The following MEIS1 variants were observed in gnomAD, a reference collection of about 807,000 sequenced individuals.
MEIS1 encodes the protein homeobox protein Meis1.
In MEIS1, 5 loss-of-function variants were observed where a neutral mutation model predicts 50.8. The ratio of observed to expected loss-of-function variants is 0.10; its 90% CI spans 0.05 to 0.21. MEIS1 has a LOEUF of 0.21. Among genes scored for constraint, MEIS1 ranks in the 10% least tolerant of loss-of-function variants. The pLI, the probability that MEIS1 is intolerant of heterozygous loss-of-function variation, is 1.00. For synonymous variants in MEIS1, 176 were observed against 179.3 expected (o/e 0.98, Z 0.15); for missense variants, 318 against 517.3 (o/e 0.61, Z 3.74).
intron 8 of MEIS1, among the ~76,000 whole-genome samples, chr2:66,545,900 T>C (rs1674778371): frequency 6.6e-6 from 1 of 152,218 alleles, no homozygotes; most frequent in Admixed American, 6.5e-5. Flanking sequence ...GATCTTAAAT[T>C]GGATTGTTTC....
chr2:66,559,452 T>C (rs1042058022), intron 9 of MEIS1, among the ~76,000 whole-genome samples: 4 of 152,210 alleles, frequency 2.6e-5, no homozygotes, highest in Non-Finnish European at 5.9e-5. Flanking sequence ...TAGAATTTGC[T>C]TTAAATAGAT....
intron 8 of MEIS1, among the ~76,000 whole-genome samples, chr2:66,520,316 T>TA (rs5831812): frequency 1.0e-4 from 15 of 147,674 alleles, no homozygotes; most frequent in African/African-American, 3.0e-4. Flanking sequence ...CTACTAAAAA[T>TA]AAAAAAAAAA....
chr2:66,568,882 A>C, intron 11 of MEIS1, 126 bp downstream of exon 11: 1 of 1,085,942 alleles, frequency 9.2e-7, no homozygotes, highest in Admixed American at 1.7e-5. Context: ...CTTGTCTGCT[A>C]TCTGTGCATC....
intron 5 of MEIS1, 28 bp downstream of exon 5, chr2:66,441,492 ACTTACCC>A: frequency 1.3e-6 from 2 of 1,520,872 alleles, no homozygotes; most frequent in Non-Finnish European, 8.8e-7. Context: ...TTTTCCTTTT[ACTTACCC>A]CTTACCCCCA....
At chr2:66,567,575 C>T (rs751295474) in intron 10 of MEIS1, 64 bp downstream of exon 10, 6 of 1,487,132 alleles carry the variant, frequency 4.0e-6, no homozygotes, top group Non-Finnish European at 4.7e-6. Context: ...AGCCATTCAC[C>T]GGGAGGTCCG....
intron 7 of MEIS1, among the ~76,000 whole-genome samples, chr2:66,486,151 T>C (rs927354082): frequency 1.3e-5 from 2 of 152,216 alleles, no homozygotes; most frequent in Admixed American, 6.5e-5. Flanking sequence ...CTTTTGGTGT[T>C]TTAGTCAGAA....
At chr2:66,436,964 T>G in intron 1 of MEIS1, 1 of 983,884 alleles carries the variant, frequency 1.0e-6, no homozygotes, top group Non-Finnish European at 1.2e-6. Flanking sequence ...TTTGCCTCCT[T>G]GACTTCTAGT....
intron 10 of MEIS1, 178 bp downstream of exon 10, chr2:66,567,689 A>G: frequency 1.4e-6 from 1 of 695,328 alleles, no homozygotes; most frequent in Non-Finnish European, 2.6e-6. Flanking sequence ...TCATTATAAA[A>G]CGTTTGGAGA....
At chr2:66,438,001 C>T in intron 2 of MEIS1, 38 bp downstream of exon 2, 1 of 1,498,338 alleles carries the variant, frequency 6.7e-7, no homozygotes, top group Non-Finnish European at 9.1e-7. Context: ...AGTTGAGACT[C>T]AACGCTTCCC....
chr2:66,435,743 CTTTTTTTTTTTTTTT>C lies in MEIS1; in HGVS notation c.-104_-90del, dbSNP rs70943697. ...AGACGTTAAGGGATTTTTCGTCGTGCTTTTTTTTTTTTTTTTTTTTTTTTCCGGGGGAGTTTGAAT... is the reference window on the plus strand; with the variant it reads ...AGACGTTAAGGGATTTTTCGTCGTGCTTTTTTTTTCCGGGGGAGTTTGAAT... On this transcript the variant is annotated 5_prime_UTR_variant, in exon 1 of 13. Transcript: ENST00000272369. 1 of 335,616 alleles carries C rather than the reference CTTTTTTTTTTTTTTT, an allele frequency of 3.0e-6. No individual in the cohort carries two copies. The highest frequency in any genetic ancestry group is 4.8e-6 in the Non-Finnish European group (1 of 209,192). The allele number at this position is 335,616 out of a possible 1,614,324, so 20.8% of individuals were successfully genotyped here.
chr2:66,461,905 A>G (rs1301553091), intron 6 of MEIS1: 1 of 470,558 alleles, frequency 2.1e-6, no homozygotes, highest in Non-Finnish European at 4.4e-6. Context: ...CAGATCACAA[A>G]CACTGGGCTC....
chr2:66,564,121 A>T (rs1277108123), intron 9 of MEIS1, among the ~76,000 whole-genome samples: 4 of 152,180 alleles, frequency 2.6e-5, no homozygotes, highest in African/African-American at 4.8e-5. Context: ...TAAATGTTTC[A>T]CAAGTAAGAA....
chr2:66,556,970 A>G (rs1256578240), intron 9 of MEIS1, among the ~76,000 whole-genome samples: 1 of 152,170 alleles, frequency 6.6e-6, no homozygotes, highest in African/African-American at 2.4e-5. Flanking sequence ...GCATGTCACA[A>G]TCATTTTGAG....
chr2:66,471,339 C>T (rs1011496431), intron 7 of MEIS1, among the ~76,000 whole-genome samples: 2 of 152,106 alleles, frequency 1.3e-5, no homozygotes, highest in South Asian at 2.1e-4. Context: ...TTAAAAGGTG[C>T]GATATTTATT....
chr2:66,521,787 G>A (rs900663429), intron 8 of MEIS1, among the ~76,000 whole-genome samples: 6 of 152,156 alleles, frequency 3.9e-5, no homozygotes, highest in Admixed American at 6.5e-5. Flanking sequence ...CTCCCTGTGC[G>A]TATAATGCTG....
At chr2:66,445,744 C>A (rs1040170140) in intron 6 of MEIS1, among the ~76,000 whole-genome samples, 1 of 152,166 alleles carries the variant, frequency 6.6e-6, no homozygotes, top group African/African-American at 2.4e-5. Flanking sequence ...TGATACTAGG[C>A]GGTATCCCGG....
chr2:66,529,372 G>A (rs1223844552), intron 8 of MEIS1, among the ~76,000 whole-genome samples: 2 of 152,162 alleles, frequency 1.3e-5, no homozygotes, highest in African/African-American at 4.8e-5. Flanking sequence ...AGAAAGGCTG[G>A]AAAAGATCCT....
intron 8 of MEIS1, among the ~76,000 whole-genome samples, chr2:66,532,767 G>A (rs1314869418): frequency 1.3e-5 from 2 of 152,158 alleles, no homozygotes; most frequent in Admixed American, 6.5e-5. Context: ...AAAAATTGGT[G>A]TTGCCATCTT....
chr2:66,553,103 T>C (rs1045255732), intron 9 of MEIS1, among the ~76,000 whole-genome samples: 2 of 152,194 alleles, frequency 1.3e-5, no homozygotes, highest in African/African-American at 4.8e-5. Flanking sequence ...GCTATTCAAC[T>C]ACAAAATTAA....
Sources: allele counts gnomAD v4.1 joint callset (sites outside exome capture counted in the v4.1 genomes callset), GRCh38; gene constraint gnomAD v4.1.1; transcripts MANE v1.5; gene names NCBI Gene and HGNC (gene_info 2026-07-23, HGNC 2026-07-21).